The following NRG3 variants were observed in gnomAD, a reference collection of about 807,000 sequenced individuals.
The protein encoded by NRG3 is neuregulin 3, also known as pro-neuregulin-3, membrane-bound isoform.
In NRG3, 31 loss-of-function variants were observed where a neutral mutation model predicts 66.9. The ratio of observed to expected loss-of-function variants is 0.46; its 90% confidence interval spans 0.35 to 0.63. The LOEUF is 0.63. Ranked by LOEUF, NRG3 falls within the 20% of genes least tolerant of loss-of-function variation. The pLI is 0.00. For missense variants in NRG3, 910 were observed against 878.9 expected (o/e 1.04, Z -0.45); for synonymous variants, 393 against 359.4 (o/e 1.09, Z -1.06).
At chr10:82,625,344 A>T (rs1013693751) in intron 2 of NRG3, among the ~76,000 whole-genome samples, 2 of 152,332 alleles carry the variant, frequency 1.3e-5, no homozygotes, top group East Asian at 1.9e-4. Flanking sequence ...TCTGCAACAT[A>T]GAATAATGCT....
chr10:82,642,854 G>T (rs759029072), intron 2 of NRG3, among the ~76,000 whole-genome samples: 15 of 151,840 alleles, frequency 9.9e-5, no homozygotes, highest in Non-Finnish European at 2.1e-4. Context: ...ACCTTTAGGT[G>T]AAATAATAGT....
At chr10:82,696,568 G>A (rs2055401132) in intron 2 of NRG3, among the ~76,000 whole-genome samples, 1 of 152,150 alleles carries the variant, frequency 6.6e-6, no homozygotes. Flanking sequence ...CAGCAAATAA[G>A]CCAATCTTTT....
intron 1 of NRG3, among the ~76,000 whole-genome samples, chr10:82,346,323 CAT>C (rs1464585932): frequency 6.7e-6 from 1 of 148,612 alleles, no homozygotes; most frequent in African/African-American, 2.6e-5. Flanking sequence ...TTGAGATAAT[CAT>C]GTGGTTTTTG....
At chr10:82,149,074 G>GT (rs11332770) in intron 1 of NRG3, among the ~76,000 whole-genome samples, 4 of 148,088 alleles carry the variant, frequency 2.7e-5, no homozygotes, top group Admixed American at 2.7e-4. Context: ...TTTTGTTTTT[G>GT]TTTTTTTTTT....
intron 6 of NRG3, 81 bp from the exon 7 acceptor site, chr10:82,973,707 C>A: frequency 6.7e-7 from 1 of 1,503,228 alleles, no homozygotes; most frequent in Non-Finnish European, 9.2e-7. Context: ...ATTCCAGTAA[C>A]TTCTCAATGC....
chr10:82,898,770 G>T (rs550636675), intron 4 of NRG3, among the ~76,000 whole-genome samples: 1 of 132,494 alleles, frequency 7.5e-6, no homozygotes, highest in South Asian at 2.5e-4. Context: ...CTCCCAGGCT[G>T]GAGTGCAGTT....
At chr10:82,616,834 G>A (rs1237340054) in intron 2 of NRG3, among the ~76,000 whole-genome samples, 2 of 152,166 alleles carry the variant, frequency 1.3e-5, no homozygotes, top group Admixed American at 6.5e-5. Context: ...TCAATTAATA[G>A]TCTCTGGCCC....
At chr10:82,319,081 A>G (rs1032869432) in intron 1 of NRG3, among the ~76,000 whole-genome samples, 5 of 152,354 alleles carry the variant, frequency 3.3e-5, no homozygotes, top group East Asian at 1.9e-4. Context: ...TATAGGAAAC[A>G]TATCTTACTG....
At chr10:82,299,067 G>A (rs529981487) in intron 1 of NRG3, among the ~76,000 whole-genome samples, 12 of 152,136 alleles carry the variant, frequency 7.9e-5, no homozygotes, top group African/African-American at 2.6e-4. Flanking sequence ...ACATGCCGTG[G>A]GCCCAAAGGG....
chr10:82,482,271 A>G (rs1842333486), intron 2 of NRG3, among the ~76,000 whole-genome samples: 1 of 152,184 alleles, frequency 6.6e-6, no homozygotes, highest in Non-Finnish European at 1.5e-5. Flanking sequence ...CATTGAGCAC[A>G]CTTAGTAGAA....
chr10:81,996,715 GGA>G (rs2060953184), intron 1 of NRG3, among the ~76,000 whole-genome samples: 1 of 152,066 alleles, frequency 6.6e-6, no homozygotes, highest in African/African-American at 2.4e-5. Context: ...GAAAAGAAAG[GGA>G]GAGAGAAAGG....
At chr10:82,182,718 AC>A (rs1449645622) in intron 1 of NRG3, among the ~76,000 whole-genome samples, 3 of 151,944 alleles carry the variant, frequency 2.0e-5, no homozygotes, top group African/African-American at 7.2e-5. Context: ...ATTTATCTTT[AC>A]CAGTGAACTT....
chr10:82,432,045 G>A (rs752541124), intron 2 of NRG3, among the ~76,000 whole-genome samples: 26 of 152,078 alleles, frequency 1.7e-4, no homozygotes, highest in Non-Finnish European at 3.2e-4. Flanking sequence ...AAACAAAACA[G>A]CAAATAGATT....
At chr10:82,534,350 G>A (rs892200468) in intron 2 of NRG3, among the ~76,000 whole-genome samples, 2 of 151,452 alleles carry the variant, frequency 1.3e-5, no homozygotes, top group East Asian at 1.9e-4. Context: ...TGCAACCTCC[G>A]CGCTCCCGGG....
intron 1 of NRG3, among the ~76,000 whole-genome samples, chr10:82,330,091 C>T (rs757069720): frequency 2.0e-5 from 3 of 152,168 alleles, no homozygotes; most frequent in Non-Finnish European, 2.9e-5. Flanking sequence ...TTTCCAAAAT[C>T]TGTGTCTGTA....
intron 1 of NRG3, among the ~76,000 whole-genome samples, chr10:82,124,070 A>G (rs1429247018): frequency 1.3e-5 from 2 of 152,014 alleles, no homozygotes; most frequent in African/African-American, 4.8e-5. Flanking sequence ...TTATCTATCT[A>G]CTTCATCACA....
At chr10:82,641,406 C>A (rs1352118717) in intron 2 of NRG3, among the ~76,000 whole-genome samples, 1 of 152,062 alleles carries the variant, frequency 6.6e-6, no homozygotes, top group African/African-American at 2.4e-5. Flanking sequence ...ACAGACCACC[C>A]TTCCCACACT....
chr10:82,628,178 G>A (rs2049553909), intron 2 of NRG3, among the ~76,000 whole-genome samples: 1 of 152,096 alleles, frequency 6.6e-6, no homozygotes, highest in African/African-American at 2.4e-5. Flanking sequence ...CATGTGATTT[G>A]AATTTTAAAG....
At chr10:82,222,756 A>G (rs1477072551) in intron 1 of NRG3, among the ~76,000 whole-genome samples, 2 of 152,118 alleles carry the variant, frequency 1.3e-5, no homozygotes, top group Non-Finnish European at 2.9e-5. Context: ...TCTGAATTCT[A>G]GGTAGACTTA....
Sources: gnomAD v4.1 joint callset for allele counts (sites outside exome capture counted in the v4.1 genomes callset) on GRCh38, gnomAD v4.1.1 for gene constraint, MANE v1.5 for transcripts, NCBI Gene and HGNC (gene_info 2026-07-23, HGNC 2026-07-21) for gene names.